Variants in ITGA1 observed in about 807,000 individuals in gnomAD.
ITGA1 encodes integrin alpha-1.
Under a neutral mutation model 145.9 loss-of-function variants are expected in ITGA1, and 85 were observed. That is an observed-to-expected ratio of 0.58 (90% confidence interval 0.49 to 0.70). The LOEUF (loss-of-function observed/expected upper bound fraction) is 0.70. Among genes scored for constraint, ITGA1 ranks in the 30% least tolerant of loss-of-function variants. The pLI, the probability that ITGA1 is intolerant of heterozygous loss-of-function variation, is 0.00. For synonymous variants in ITGA1, 520 were observed against 495.3 expected (o/e 1.05, Z -0.66); for missense variants, 1,351 against 1,418.7 (o/e 0.95, Z 0.77).
chr5:52,950,950 A>T (rs531745519), intron 28 of ITGA1, among the ~76,000 whole-genome samples: 1 of 152,286 alleles, frequency 6.6e-6, no homozygotes, highest in East Asian at 1.9e-4. Context: ...TCATATGAAA[A>T]AGCCTGAGAC....
intron 1 of ITGA1, among the ~76,000 whole-genome samples, chr5:52,839,893 T>A (rs528197791): frequency 1.7e-4 from 11 of 66,110 alleles, no homozygotes; most frequent in Admixed American, 7.9e-4. Flanking sequence ...GTCTCCTGTT[T>A]CACCCTCATG....
intron 1 of ITGA1, among the ~76,000 whole-genome samples, chr5:52,834,583 A>AAGAGAGAAGAAAGAAAG (rs1561222420): frequency 9.1e-6 from 1 of 109,500 alleles, no homozygotes; most frequent in Non-Finnish European, 2.4e-5. Flanking sequence ...GAAAGAAAGA[A>AAGAGAGAAGAAAGAAAG]AGAGAGAGAG....
intron 6 of ITGA1, among the ~76,000 whole-genome samples, chr5:52,881,325 T>G (rs982139571): frequency 2.6e-5 from 4 of 152,294 alleles, no homozygotes; most frequent in African/African-American, 9.6e-5. Flanking sequence ...CCCATCCTGG[T>G]CTTCTTCACA....
At chr5:52,859,646 G>A (rs1008733591) in intron 2 of ITGA1, among the ~76,000 whole-genome samples, 2 of 152,072 alleles carry the variant, frequency 1.3e-5, no homozygotes, top group African/African-American at 4.8e-5. Context: ...TTTTCAAAAT[G>A]TGTGCCTAAT....
intron 1 of ITGA1, chr5:52,803,084 C>T (rs1401771960): frequency 6.6e-6 from 1 of 152,126 alleles, no homozygotes; most frequent in Non-Finnish European, 1.5e-5. Context: ...GCTGGATCAG[C>T]GACGCCTATT....
rs368186890 is a variant in ITGA1 at position 52,939,582 on chromosome 5, A to T, written c.3079-8A>T. On this transcript the variant is annotated splice_region_variant and splice_polypyrimidine_tract_variant and intron_variant, in intron 24 of 28. Transcript: ENST00000282588. The stretch of plus-strand genomic sequence containing the variant: ...ATTGTCTGATAAATGTAATATTTTC[A>T]TTTCTAGAATGCAAACTGCAGACCC... 344 of 1,575,288 alleles carry T rather than the reference A, an allele frequency of 2.2e-4. No homozygotes were observed. Among genetic ancestry groups the T allele is most frequent in the Non-Finnish European group, 2.9e-4 (331 of 1,148,072 alleles).
At chr5:52,892,951 G>A (rs759648394) in intron 8 of ITGA1, among the ~76,000 whole-genome samples, 11 of 151,674 alleles carry the variant, frequency 7.3e-5, no homozygotes, top group Non-Finnish European at 1.5e-4. Flanking sequence ...TCATAGAATT[G>A]TACATCTAAA....
chr5:52,864,332 C>T (rs1749651489), intron 3 of ITGA1, among the ~76,000 whole-genome samples: 1 of 152,292 alleles, frequency 6.6e-6, no homozygotes, highest in South Asian at 2.1e-4. Flanking sequence ...GGTCAAAAAA[C>T]TGGTGTTTGA....
Position 52,864,750 on chromosome 5 carries a change from G to T in ITGA1, c.296-13G>T. ...AACTTTTCCTCCCTCATAAAATTTT[G>T]TTCTATTTTTAGTTAATACATCAAT... On this transcript the variant is annotated splice_polypyrimidine_tract_variant and intron_variant, in intron 3 of 28. Transcript: ENST00000282588. 6.5e-7 allele frequency: 1 copy of T among 1,547,154 alleles called. No individual in the cohort carries two copies. Among genetic ancestry groups the T allele is most frequent in the Admixed American group, 1.8e-5 (1 of 55,642 alleles).
intron 3 of ITGA1, 31 bp downstream of exon 3, chr5:52,861,590 G>T (rs1749604938): frequency 1.5e-6 from 2 of 1,336,466 alleles, no homozygotes; most frequent in Admixed American, 1.7e-5. Flanking sequence ...CTGGTTTTAG[G>T]CCAGGTGCGG....
intron 21 of ITGA1, among the ~76,000 whole-genome samples, chr5:52,930,358 TA>T (rs1470341396): frequency 3.9e-5 from 6 of 152,160 alleles, no homozygotes; most frequent in Non-Finnish European, 1.5e-5. Context: ...ATGGATTAAT[TA>T]ATTCTGTATG....
chr5:52,917,519 GAATGCATAGATTATGGT>G (rs780852053), intron 15 of ITGA1, among the ~76,000 whole-genome samples: 8 of 151,062 alleles, frequency 5.3e-5, no homozygotes, highest in Admixed American at 2.6e-4. Flanking sequence ...AGATGGGATT[GAATGCATAGATTATGGT>G]ATGTGCATAT....
chr5:52,803,365 T>C (rs1049920449), intron 1 of ITGA1: 2 of 152,216 alleles, frequency 1.3e-5, no homozygotes, highest in African/African-American at 4.8e-5. Flanking sequence ...TACTAAATAA[T>C]TTAATAAGAA....
At chr5:52,846,109 G>A (rs1423570) in intron 1 of ITGA1, among the ~76,000 whole-genome samples, 85,494 of 152,040 alleles carry the variant, frequency 0.56, 25,821 homozygotes, top group African/African-American at 0.79. Context: ...GGTCACGGAA[G>A]CACAATGGCG....
At chr5:52,918,190 C>G (rs1750677502) in intron 15 of ITGA1, among the ~76,000 whole-genome samples, 3 of 152,154 alleles carry the variant, frequency 2.0e-5, no homozygotes. Flanking sequence ...CCCCAGTTAT[C>G]AAACGTAAAA....
At chr5:52,868,078 T>C (rs1348477249) in intron 6 of ITGA1, among the ~76,000 whole-genome samples, 1 of 152,146 alleles carries the variant, frequency 6.6e-6, no homozygotes, top group Non-Finnish European at 1.5e-5. Flanking sequence ...CTTTTGCCCA[T>C]GATGTGCTTT....
At chr5:52,899,130 C>G (rs1169308866) in intron 11 of ITGA1, among the ~76,000 whole-genome samples, 1 of 152,166 alleles carries the variant, frequency 6.6e-6, no homozygotes, top group East Asian at 1.9e-4. Context: ...TTTGGGGGAT[C>G]CTCTTTTGCC....
rs1750831162 is a variant in ITGA1, at chr5:52,927,612, A to G, written c.2642A>G (p.Asn881Ser). The G allele has an allele frequency of 6.2e-7, 1 of 1,611,644 alleles. No individual in the cohort carries two copies. The highest frequency in any genetic ancestry group is 8.5e-7 in the Non-Finnish European group (1 of 1,178,270). Reference sequence around the variant, plus strand: ...ATCCAAAAAGACAGTTGTGAATCTAATCATAATATCACATGTAAAGTTGGA... The same window carrying G: ...ATCCAAAAAGACAGTTGTGAATCTAGTCATAATATCACATGTAAAGTTGGA... The part of the protein sequence containing the change: ...EAIQKDSCES[N>S]HNITCKVGYP... Residue 881 changes from asparagine (N) to serine (S), a missense_variant, in exon 20 of 29, where the codon AAT becomes AGT. Physicochemically the swap from Asn to Ser is conservative, Grantham distance 46. Coordinates refer to ENST00000282588, the MANE Select transcript of ITGA1 (RefSeq NM_181501.2).
intron 1 of ITGA1, chr5:52,800,903 A>G: frequency 6.2e-7 from 1 of 1,613,882 alleles, no homozygotes; most frequent in Non-Finnish European, 8.5e-7. Flanking sequence ...ATCCCTAGGA[A>G]AAGGAAAGGC....
Sources: gnomAD v4.1 joint callset for allele counts (sites outside exome capture counted in the v4.1 genomes callset) on GRCh38, gnomAD v4.1.1 for gene constraint, MANE v1.5 for transcripts, NCBI Gene and HGNC (gene_info 2026-07-23, HGNC 2026-07-21) for gene names.